MTA3: variants seen among roughly 807,000 people sequenced by gnomAD.
The protein encoded by MTA3 is metastasis associated 1 family member 3.
In MTA3, 34 loss-of-function variants were observed where a neutral mutation model predicts 83.5. That is an observed-to-expected ratio of 0.41 (90% CI 0.31 to 0.54). The LOEUF is 0.54. MTA3 is among the 20% of genes least tolerant of loss of function. The pLI is 0.33. For missense variants in MTA3, 761 were observed against 726.4 expected, an observed-to-expected ratio of 1.05 and a Z score of -0.55; for synonymous variants, 303 against 252.7, an observed-to-expected ratio of 1.20 and a Z score of -1.89.
At chr2:42,698,373 G>T (rs1693573199) in intron 11 of MTA3, 1 of 151,446 alleles carries the variant, frequency 6.6e-6, no homozygotes, top group Non-Finnish European at 1.5e-5. Flanking sequence ...CAAAATGAAT[G>T]CCAATTTTTT....
At chr2:42,736,503 C>T (rs1668625578) in intron 16 of MTA3, among the ~76,000 whole-genome samples, 1 of 152,134 alleles carries the variant, frequency 6.6e-6, no homozygotes, top group African/African-American at 2.4e-5. Context: ...TCCAGCCAGG[C>T]ATCTTCCCTT....
At chr2:42,524,472 GTTTTT>G (rs58288129) in intron 2 of MTA3, among the ~76,000 whole-genome samples, 7 of 70,680 alleles carry the variant, frequency 9.9e-5, no homozygotes, top group Admixed American at 8.9e-4. Flanking sequence ...GGCTAGTTGT[GTTTTT>G]TTTTTTTTTT....
intron 6 of MTA3, among the ~76,000 whole-genome samples, chr2:42,647,425 C>A (rs1471170085): frequency 6.6e-6 from 1 of 151,838 alleles, no homozygotes; most frequent in Non-Finnish European, 1.5e-5. Context: ...TGGGGTTTTG[C>A]CATGTTGGCC....
intron 4 of MTA3, among the ~76,000 whole-genome samples, chr2:42,627,286 C>T (rs1374260846): frequency 2.6e-5 from 4 of 152,052 alleles, no homozygotes; most frequent in African/African-American, 7.2e-5. Flanking sequence ...CTATGTTGTC[C>T]AGGGTGGTCT....
At chr2:42,673,851 G>A (rs6544586) in intron 8 of MTA3, among the ~76,000 whole-genome samples, 101,376 of 152,110 alleles carry the variant, frequency 0.67, 33,935 homozygotes, top group African/African-American at 0.74. Flanking sequence ...AAATAATTCC[G>A]AAAAAGATCA....
At chr2:42,737,372 A>T (rs528870269) in intron 16 of MTA3, among the ~76,000 whole-genome samples, 1 of 152,284 alleles carries the variant, frequency 6.6e-6, no homozygotes, top group South Asian at 2.1e-4. Context: ...GCACCGGCTG[A>T]GTTCTGCCTC....
intron 3 of MTA3, among the ~76,000 whole-genome samples, chr2:42,606,275 C>G (rs1175406430): frequency 6.7e-6 from 1 of 149,060 alleles, no homozygotes; most frequent in African/African-American, 2.5e-5. Flanking sequence ...GGGTGGCTGC[C>G]GGGCGGAGAC....
intron 2 of MTA3, among the ~76,000 whole-genome samples, chr2:42,562,903 T>C (rs1175474602): frequency 1.3e-5 from 2 of 152,108 alleles, no homozygotes; most frequent in Non-Finnish European, 2.9e-5. Flanking sequence ...CTGTCCACTA[T>C]CCTCTTCCCC....
intron 4 of MTA3, among the ~76,000 whole-genome samples, chr2:42,635,344 T>C (rs1350616698): frequency 6.6e-6 from 1 of 152,182 alleles, no homozygotes; most frequent in Non-Finnish European, 1.5e-5. Context: ...ATCTGTAACT[T>C]GGGCCGGGCA....
chr2:42,644,358 C>T, intron 6 of MTA3, 114 bp downstream of exon 6: 1 of 599,756 alleles, frequency 1.7e-6, no homozygotes, highest in Non-Finnish European at 2.9e-6. Context: ...AAGTTATAAG[C>T]ACTTGCCATT....
intron 4 of MTA3, among the ~76,000 whole-genome samples, chr2:42,616,572 CTT>C (rs70963338): frequency 1.4e-4 from 8 of 56,212 alleles, no homozygotes; most frequent in South Asian, 1.7e-3. Flanking sequence ...TCTTCTTCTT[CTT>C]TTTTTTTTTT....
intron 8 of MTA3, among the ~76,000 whole-genome samples, chr2:42,670,806 C>T (rs894263660): frequency 1.3e-5 from 2 of 151,678 alleles, no homozygotes; most frequent in Non-Finnish European, 2.9e-5. Context: ...ATAAATGTCC[C>T]TCTACTGCTA....
chr2:42,592,054 A>G (rs1681070248), intron 3 of MTA3, among the ~76,000 whole-genome samples: 1 of 151,976 alleles, frequency 6.6e-6, no homozygotes, highest in Non-Finnish European at 1.5e-5. Flanking sequence ...GCTTGAGCCC[A>G]GGAGTTGGAG....
chr2:42,523,835 T>G (rs1572919788), intron 2 of MTA3, among the ~76,000 whole-genome samples: 1 of 152,198 alleles, frequency 6.6e-6, no homozygotes, highest in East Asian at 1.9e-4. Context: ...GGAGGATCAC[T>G]TGAGCCGGGA....
intron 2 of MTA3, among the ~76,000 whole-genome samples, chr2:42,522,506 G>T (rs1675475070): frequency 6.6e-6 from 1 of 152,140 alleles, no homozygotes; most frequent in South Asian, 2.1e-4. Flanking sequence ...TTAGGGAAAG[G>T]CTGGAGGGAC....
At chr2:42,505,852 T>G (rs1394623322) in intron 2 of MTA3, among the ~76,000 whole-genome samples, 1 of 149,494 alleles carries the variant, frequency 6.7e-6, no homozygotes, top group Non-Finnish European at 1.5e-5. Flanking sequence ...CACTGCAGCC[T>G]CCATCTCCCA....
intron 16 of MTA3, among the ~76,000 whole-genome samples, chr2:42,746,409 A>G (rs1237173953): frequency 6.6e-6 from 1 of 152,146 alleles, no homozygotes; most frequent in Non-Finnish European, 1.5e-5. Flanking sequence ...TCTGTGACCA[A>G]ATGTGTGGGG....
upstream of MTA3, among the ~76,000 whole-genome samples, chr2:42,567,747 T>G (rs924683580): frequency 2.0e-5 from 3 of 152,162 alleles, no homozygotes; most frequent in African/African-American, 7.2e-5. Context: ...TTTAGGCACG[T>G]AACCAGTTAA....
chr2:42,610,666 A>G (rs1172248340), intron 4 of MTA3, among the ~76,000 whole-genome samples: 1 of 152,164 alleles, frequency 6.6e-6, no homozygotes, highest in Non-Finnish European at 1.5e-5. Flanking sequence ...TAGAGGTATT[A>G]CAAAATGTTT....
Sources: gnomAD v4.1 joint callset for allele counts (sites outside exome capture counted in the v4.1 genomes callset) on GRCh38, gnomAD v4.1.1 for gene constraint, MANE v1.5 for transcripts, NCBI Gene and HGNC (gene_info 2026-07-23, HGNC 2026-07-21) for gene names.